The following FBXL7 variants were observed in gnomAD, a reference collection of about 807,000 sequenced individuals.
FBXL7 encodes F-box and leucine rich repeat protein 7.
A neutral mutation model predicts 38.3 loss-of-function variants in FBXL7; 12 were observed. That is an observed-to-expected ratio of 0.31 (90% CI 0.20 to 0.51). The LOEUF is 0.51. Among genes scored for constraint, FBXL7 ranks in the 20% least tolerant of loss-of-function variants. FBXL7 has a pLI of 0.98. For synonymous variants in FBXL7, 297 were observed against 300.9 expected (o/e 0.99, Z 0.13); for missense variants, 567 against 676.4 (o/e 0.84, Z 1.79).
In FBXL7 at chr5:15,574,141, C is replaced by A. The variant is rs147214040; in HGVS notation, c.38-41842C>A. Among the ~76,000 whole-genome samples the A allele has an allele frequency of 2.7e-3, 412 of 152,284 alleles. 4 individuals are homozygous for A. The highest frequency in any genetic ancestry group is 9.5e-3 in the African/African-American group (394 of 41,558). On this transcript the variant is annotated intron_variant, in intron 1 of 3. Coordinates refer to ENST00000504595, the MANE Select transcript of FBXL7 (RefSeq NM_012304.5). ...CATTACAAATATCCAGCAGCTCTTA[C>A]AGGTGCAAAATCTGTAATAATATAT... is the stretch of plus-strand genomic sequence containing the variant.
intron 2 of FBXL7, among the ~76,000 whole-genome samples, chr5:15,815,979 TAGAA>T (rs1311694208): frequency 5.9e-5 from 9 of 152,278 alleles, no homozygotes; most frequent in African/African-American, 9.6e-5. Flanking sequence ...ATGATTTAGA[TAGAA>T]GTCATAATTA....
At position 15,666,561 on chromosome 5, in the gene FBXL7, T is replaced by C. The variant is rs1742285989; in HGVS notation, c.127+50489T>C. 2.0e-5 allele frequency among the ~76,000 whole-genome samples: 3 copies of C among 152,190 alleles called. No homozygotes were observed. The South Asian group carries it at 6.2e-4, about 31-fold the overall frequency. On this transcript the variant is annotated intron_variant, in intron 2 of 3. Coordinates refer to ENST00000504595, the MANE Select transcript of FBXL7 (RefSeq NM_012304.5). ...TCTACAGTTTGGGGAGTGTACTTGC[T>C]CGTTTTTTGACAATCATATCATAAC...
At chr5:15,667,183 A>G (rs1350872903) in intron 2 of FBXL7, among the ~76,000 whole-genome samples, 27 of 152,200 alleles carry the variant, frequency 1.8e-4, no homozygotes, top group Admixed American at 1.7e-3. Flanking sequence ...TTCACATTCA[A>G]ATTAATTGAA....
intron 2 of FBXL7, among the ~76,000 whole-genome samples, chr5:15,785,612 A>G (rs1340076708): frequency 2.0e-5 from 3 of 152,206 alleles, no homozygotes; most frequent in Non-Finnish European, 2.9e-5. Flanking sequence ...AGCCCCATAC[A>G]TGGATGCTTG....
At chr5:15,535,198 C>T (rs895219508) in intron 1 of FBXL7, among the ~76,000 whole-genome samples, 3 of 152,024 alleles carry the variant, frequency 2.0e-5, no homozygotes, top group African/African-American at 7.3e-5. Context: ...ACTATCCAGT[C>T]TCAAGTATTC....
At chr5:15,593,993 T>TTA (rs1739549537) in intron 1 of FBXL7, among the ~76,000 whole-genome samples, 1 of 152,216 alleles carries the variant, frequency 6.6e-6, no homozygotes, top group Admixed American at 6.5e-5. Flanking sequence ...AAATGGCAAT[T>TTA]TCTTATGGTT....
intron 2 of FBXL7, among the ~76,000 whole-genome samples, chr5:15,657,427 A>G (rs2126579199): frequency 6.6e-6 from 1 of 152,354 alleles, no homozygotes; most frequent in Middle Eastern, 3.4e-3. Flanking sequence ...CTATAGAACA[A>G]ATCGAGATAA....
At chr5:15,609,276 C>A (rs1740138231) in intron 1 of FBXL7, among the ~76,000 whole-genome samples, 1 of 152,184 alleles carries the variant, frequency 6.6e-6, no homozygotes, top group South Asian at 2.1e-4. Context: ...CTTGATGAAT[C>A]AGAGCCACCT....
chr5:15,824,429 T>A (rs771779483), intron 2 of FBXL7, among the ~76,000 whole-genome samples: 6 of 152,108 alleles, frequency 3.9e-5, no homozygotes, highest in Non-Finnish European at 8.8e-5. Flanking sequence ...CCCGGCCCAG[T>A]CTGTGATGCC....
At chr5:15,708,333 A>G (rs1412839525) in intron 2 of FBXL7, among the ~76,000 whole-genome samples, 2 of 152,182 alleles carry the variant, frequency 1.3e-5, no homozygotes, top group South Asian at 2.1e-4. Context: ...CCCATTTCGA[A>G]TCTCATTGTA....
intron 2 of FBXL7, among the ~76,000 whole-genome samples, chr5:15,727,908 C>A (rs567843493): frequency 6.6e-6 from 1 of 152,046 alleles, no homozygotes; most frequent in Non-Finnish European, 1.5e-5. Flanking sequence ...TTACTTCCAT[C>A]GTTTTTTGTT....
At chr5:15,584,489 G>A (rs773571790) in intron 1 of FBXL7, among the ~76,000 whole-genome samples, 21 of 152,162 alleles carry the variant, frequency 1.4e-4, no homozygotes, top group Non-Finnish European at 2.6e-4. Flanking sequence ...TAGCAAGTGT[G>A]ACCTTTGCTC....
intron 1 of FBXL7, among the ~76,000 whole-genome samples, chr5:15,540,621 C>T (rs932924849): frequency 3.9e-5 from 6 of 152,202 alleles, no homozygotes; most frequent in African/African-American, 1.4e-4. Flanking sequence ...GTACCATACC[C>T]TGGGTGGCTT....
intron 2 of FBXL7, among the ~76,000 whole-genome samples, chr5:15,617,507 G>C (rs1343801462): frequency 6.6e-6 from 1 of 151,662 alleles, no homozygotes; most frequent in African/African-American, 2.4e-5. Context: ...CCCAGACTAG[G>C]GTGGAGTGCC....
intron 1 of FBXL7, among the ~76,000 whole-genome samples, chr5:15,522,144 T>G (rs1561013902): frequency 1.3e-5 from 2 of 152,248 alleles, no homozygotes; most frequent in African/African-American, 2.4e-5. Context: ...CTTCTCAGTT[T>G]GATTGGCTCC....
chr5:15,822,149 G>C (rs918556921), intron 2 of FBXL7, among the ~76,000 whole-genome samples: 2 of 149,628 alleles, frequency 1.3e-5, no homozygotes, highest in Non-Finnish European at 3.0e-5. Flanking sequence ...TCAGGAGATC[G>C]AGACCATCCT....
At chr5:15,819,384 C>A (rs2126762420) in intron 2 of FBXL7, among the ~76,000 whole-genome samples, 1 of 152,122 alleles carries the variant, frequency 6.6e-6, no homozygotes, top group Middle Eastern at 3.4e-3. Flanking sequence ...CATCTAGATA[C>A]TGTGAGCGAA....
intron 2 of FBXL7, among the ~76,000 whole-genome samples, chr5:15,746,282 G>A (rs879725907): frequency 6.6e-6 from 1 of 152,200 alleles, no homozygotes; most frequent in Non-Finnish European, 1.5e-5. Context: ...AAGGGGAGCG[G>A]TAGAGTCGGC....
At chr5:15,919,856 G>A (rs1447640980) in intron 2 of FBXL7, among the ~76,000 whole-genome samples, 3 of 152,168 alleles carry the variant, frequency 2.0e-5, no homozygotes, top group Admixed American at 6.5e-5. Flanking sequence ...TCACCATAGA[G>A]CCATTTTTCT....
Sources: gnomAD v4.1 joint callset for allele counts (sites outside exome capture counted in the v4.1 genomes callset) on GRCh38, gnomAD v4.1.1 for gene constraint, MANE v1.5 for transcripts, NCBI Gene and HGNC (gene_info 2026-07-23, HGNC 2026-07-21) for gene names.